Variants in RFTN2 observed in about 807,000 individuals in gnomAD.
RFTN2 encodes raftlin-2.
A neutral mutation model predicts 52.7 loss-of-function variants in RFTN2; 34 were observed. The observed-to-expected ratio is 0.64, with a 90% CI of 0.49 to 0.86. The LOEUF (loss-of-function observed/expected upper bound fraction) is 0.86. Among genes scored for constraint, RFTN2 ranks in the 40% least tolerant of loss-of-function variants. RFTN2 has a pLI of 0.00. For synonymous variants in RFTN2, 203 were observed against 217.7 expected (o/e 0.93, Z 0.59); for missense variants, 536 against 600.1 (o/e 0.89, Z 1.12).
intron 5 of RFTN2, among the ~76,000 whole-genome samples, chr2:197,623,480 G>T (rs147745319): frequency 2.0e-5 from 3 of 152,042 alleles, no homozygotes; most frequent in African/African-American, 2.4e-5. Context: ...TTTCTTTTTT[G>T]TTGTTGTTGT....
chr2:197,602,001 A>C (rs1414170129), intron 7 of RFTN2, among the ~76,000 whole-genome samples: 1 of 152,198 alleles, frequency 6.6e-6, no homozygotes, highest in Non-Finnish European at 1.5e-5. Flanking sequence ...AGTTGTAAAA[A>C]CAAACAAGCA....
At chr2:197,581,589 C>A (rs1488378749) in intron 8 of RFTN2, among the ~76,000 whole-genome samples, 2 of 152,196 alleles carry the variant, frequency 1.3e-5, no homozygotes, top group Non-Finnish European at 2.9e-5. Flanking sequence ...TGTAGCCCCT[C>A]CTTTAAATCT....
chr2:197,611,957 T>C (rs1045765175), intron 7 of RFTN2, among the ~76,000 whole-genome samples: 6 of 152,232 alleles, frequency 3.9e-5, no homozygotes, highest in African/African-American at 1.4e-4. Flanking sequence ...TCTAATTTGA[T>C]TGCACTGTGG....
intron 4 of RFTN2, among the ~76,000 whole-genome samples, chr2:197,632,181 G>T (rs2088479110): frequency 6.6e-6 from 1 of 152,194 alleles, no homozygotes; most frequent in African/African-American, 2.4e-5. Context: ...GGAAGATAGT[G>T]AATAGCTCTC....
chr2:197,632,429 T>C (rs2088482424), intron 4 of RFTN2, among the ~76,000 whole-genome samples: 1 of 152,228 alleles, frequency 6.6e-6, no homozygotes, highest in Admixed American at 6.5e-5. Context: ...TGGGCTTTCA[T>C]TCTTCTCTCT....
In RFTN2 at chr2:197,674,063, C is replaced by T. The variant is rs73988501; in HGVS notation, c.139+1257G>A. Among the ~76,000 whole-genome samples the T allele has an allele frequency of 9.5e-3, 1,437 of 151,956 alleles. 26 individuals carry two copies. The highest frequency in any genetic ancestry group is 0.031 in the African/African-American group (1,301 of 41,458). ...TGAAAAAGTATAGAAAAAATTCAAA[C>T]GGTTGTTTGGTTACTTCTCTGATAA... On this transcript the variant is annotated intron_variant, in intron 1 of 8. Coordinates refer to ENST00000295049, the MANE Select transcript of RFTN2 (RefSeq NM_144629.3).
chr2:197,624,278 G>C (rs2088315833), intron 5 of RFTN2, among the ~76,000 whole-genome samples: 1 of 152,118 alleles, frequency 6.6e-6, no homozygotes, highest in Non-Finnish European at 1.5e-5. Context: ...CCGTCAAACA[G>C]CATCATATGC....
chr2:197,613,300 G>A (rs1344746090), intron 7 of RFTN2, among the ~76,000 whole-genome samples: 1 of 152,140 alleles, frequency 6.6e-6, no homozygotes, highest in African/African-American at 2.4e-5. Flanking sequence ...TACTTTGCGT[G>A]TATTATCTTA....
intron 1 of RFTN2, among the ~76,000 whole-genome samples, chr2:197,660,907 A>C (rs1056563849): frequency 3.9e-5 from 6 of 152,144 alleles, no homozygotes; most frequent in Non-Finnish European, 8.8e-5. Context: ...GTCCTCTCTT[A>C]CTGCTATTTT....
At chr2:197,599,783 C>T (rs1477207001) in intron 7 of RFTN2, among the ~76,000 whole-genome samples, 1 of 152,176 alleles carries the variant, frequency 6.6e-6, no homozygotes, top group African/African-American at 2.4e-5. Context: ...ACTGTCAAAC[C>T]TATCCCTCCT....
intron 5 of RFTN2, 80 bp from the exon 6 acceptor site, chr2:197,618,001 A>C: frequency 1.8e-6 from 2 of 1,136,882 alleles, no homozygotes; most frequent in Non-Finnish European, 2.3e-6. Context: ...TAAATAACTC[A>C]TATAGGAAAC....
At chr2:197,626,410 T>A (rs1282975461) in intron 5 of RFTN2, among the ~76,000 whole-genome samples, 1 of 151,634 alleles carries the variant, frequency 6.6e-6, no homozygotes. Context: ...CAAAAAAATT[T>A]AAAAAATTAG....
At chr2:197,606,730 T>G (rs1483413912) in intron 7 of RFTN2, among the ~76,000 whole-genome samples, 1 of 151,144 alleles carries the variant, frequency 6.6e-6, no homozygotes, top group Non-Finnish European at 1.5e-5. Flanking sequence ...CATGAAAAAA[T>G]GCTCATCATC....
intron 1 of RFTN2, among the ~76,000 whole-genome samples, chr2:197,667,547 GGT>G (rs1162761746): frequency 6.6e-6 from 1 of 152,138 alleles, no homozygotes; most frequent in Non-Finnish European, 1.5e-5. Context: ...CTATGCATCT[GGT>G]GTAACAGCCA....
intron 7 of RFTN2, among the ~76,000 whole-genome samples, chr2:197,614,638 C>T (rs541244193): frequency 6.6e-6 from 1 of 152,344 alleles, no homozygotes; most frequent in East Asian, 1.9e-4. Context: ...CGGAGCCCCA[C>T]AGCACTCACC....
rs774146736 is a variant in RFTN2 at position 197,631,187 on chromosome 2, G to A, written c.752C>T (p.Ala251Val). The stretch of plus-strand genomic sequence containing the variant: ...CCAGGAGGTTGAATCATCATCAAAA[G>A]CATTGAAGACTGTATACAATTTGTT... ...SDNKLYTVFN[A>V]FDDDSTSWAY... The change falls in exon 5 of 9, where the codon GCT (alanine) becomes GTT (valine). Residue 251 changes from alanine (A) to valine (V), a missense_variant. By Grantham distance (64) the Ala-to-Val change is moderately conservative. Coordinates refer to ENST00000295049, the MANE Select transcript of RFTN2 (RefSeq NM_144629.3). 1.2e-5 allele frequency: 20 copies of A among 1,613,338 alleles called. No individual in the cohort carries two copies. The South Asian group carries it at 1.9e-4, about 15-fold the overall frequency.
intron 3 of RFTN2, among the ~76,000 whole-genome samples, chr2:197,634,569 T>C (rs1015051102): frequency 6.6e-6 from 1 of 152,110 alleles, no homozygotes; most frequent in Non-Finnish European, 1.5e-5. Context: ...TATGGTATTG[T>C]CTCCTATGTG....
chr2:197,631,807 C>T (rs1164396994), intron 4 of RFTN2, among the ~76,000 whole-genome samples: 3 of 152,158 alleles, frequency 2.0e-5, no homozygotes, highest in Non-Finnish European at 4.4e-5. Context: ...TTCTGCTTTA[C>T]TAGGAATTGG....
chr2:197,606,453 T>G (rs2106199406), intron 7 of RFTN2, among the ~76,000 whole-genome samples: 1 of 152,240 alleles, frequency 6.6e-6, no homozygotes, highest in Non-Finnish European at 1.5e-5. Context: ...ACTTGTGAAA[T>G]ACACTCTCAT....
Sources: gnomAD v4.1 joint callset for allele counts (sites outside exome capture counted in the v4.1 genomes callset) on GRCh38, gnomAD v4.1.1 for gene constraint, MANE v1.5 for transcripts, NCBI Gene and HGNC (gene_info 2026-07-23, HGNC 2026-07-21) for gene names.